AP3B1: variants seen among roughly 807,000 people sequenced by gnomAD.
AP3B1 encodes AP-3 complex subunit beta-1.
AP3B1 carries 61 observed loss-of-function variants against 132.5 expected under a neutral mutation model. The ratio of observed to expected loss-of-function variants is 0.46; its 90% confidence interval spans 0.37 to 0.57. The LOEUF (loss-of-function observed/expected upper bound fraction) is 0.57, where lower values mean the gene tolerates loss of function less well. Ranked by LOEUF, AP3B1 falls within the 20% of genes least tolerant of loss-of-function variation. AP3B1 has a pLI of 0.00. For synonymous variants in AP3B1, 388 were observed against 438.3 expected (o/e 0.89, Z 1.43); for missense variants, 1,120 against 1,289.4 (o/e 0.87, Z 2.01).
intron 22 of AP3B1, among the ~76,000 whole-genome samples, chr5:78,067,619 G>A (rs923560231): frequency 1.3e-5 from 2 of 152,128 alleles, no homozygotes; most frequent in African/African-American, 2.4e-5. Context: ...AAATTCACTC[G>A]AAACCACACA....
At chr5:78,265,790 A>G (rs1246422971) in intron 2 of AP3B1, among the ~76,000 whole-genome samples, 3 of 152,228 alleles carry the variant, frequency 2.0e-5, no homozygotes, top group Admixed American at 6.5e-5. Context: ...CAGTCTCTTA[A>G]AAACGTGTAA....
At chr5:78,215,311 T>G (rs1171009092) in intron 7 of AP3B1, among the ~76,000 whole-genome samples, 1 of 152,088 alleles carries the variant, frequency 6.6e-6, no homozygotes, top group African/African-American at 2.4e-5. Context: ...TTACAACATT[T>G]AAGGATTTAT....
chr5:78,074,050 A>G (rs1749661146), intron 22 of AP3B1, among the ~76,000 whole-genome samples: 1 of 152,226 alleles, frequency 6.6e-6, no homozygotes, highest in Non-Finnish European at 1.5e-5. Context: ...TTACTAAAAT[A>G]CTAACAACTA....
At chr5:78,071,573 T>C (rs1749546048) in intron 22 of AP3B1, among the ~76,000 whole-genome samples, 1 of 152,046 alleles carries the variant, frequency 6.6e-6, no homozygotes, top group Admixed American at 6.6e-5. Context: ...ATAAATAAAA[T>C]AAAAATAAAT....
intron 24 of AP3B1, among the ~76,000 whole-genome samples, chr5:78,027,750 A>T (rs947875161): frequency 2.0e-5 from 3 of 152,014 alleles, no homozygotes; most frequent in Non-Finnish European, 4.4e-5. Context: ...TTTTCTCTCT[A>T]CATAAGTATT....
intron 22 of AP3B1, among the ~76,000 whole-genome samples, chr5:78,075,870 A>G (rs1202020029): frequency 6.6e-6 from 1 of 152,250 alleles, no homozygotes; most frequent in East Asian, 1.9e-4. Context: ...TGGCATGGTC[A>G]TCAAGTGACA....
intron 8 of AP3B1, among the ~76,000 whole-genome samples, chr5:78,177,879 A>G (rs1744214775): frequency 6.6e-6 from 1 of 152,244 alleles, no homozygotes; most frequent in African/African-American, 2.4e-5. Flanking sequence ...AGCGTACAGA[A>G]GTAACCAATA....
chr5:78,221,613 G>C (rs1746180245), intron 6 of AP3B1, among the ~76,000 whole-genome samples: 1 of 151,528 alleles, frequency 6.6e-6, no homozygotes, highest in South Asian at 2.1e-4. Flanking sequence ...TTAAAGAAAG[G>C]TAGAAAAAGA....
intron 2 of AP3B1, among the ~76,000 whole-genome samples, chr5:78,249,563 T>C (rs1167792543): frequency 1.3e-5 from 2 of 151,034 alleles, no homozygotes; most frequent in South Asian, 2.1e-4. Context: ...TTCTTCAGAA[T>C]GATTTTTTTC....
At chr5:78,003,293 G>C (rs1350114229) in intron 26 of AP3B1, among the ~76,000 whole-genome samples, 2 of 152,100 alleles carry the variant, frequency 1.3e-5, no homozygotes, top group African/African-American at 4.8e-5. Context: ...GAAAAAGGAA[G>C]TCTATTTTAC....
At chr5:78,097,676 G>A (rs1427501126) in intron 21 of AP3B1, among the ~76,000 whole-genome samples, 4 of 150,576 alleles carry the variant, frequency 2.7e-5, no homozygotes, top group East Asian at 2.0e-4. Flanking sequence ...CCCCCCGCCC[G>A]GCCAGCCGCC....
intron 5 of AP3B1, among the ~76,000 whole-genome samples, chr5:78,226,117 T>C (rs1355023364): frequency 6.6e-6 from 1 of 152,012 alleles, no homozygotes; most frequent in African/African-American, 2.4e-5. Context: ...CTTAAAACAT[T>C]TGAGATAGAA....
chr5:78,236,536 C>T (rs559658772), intron 3 of AP3B1, among the ~76,000 whole-genome samples: 2 of 152,338 alleles, frequency 1.3e-5, no homozygotes, highest in Admixed American at 1.3e-4. Flanking sequence ...CTGACTGCTA[C>T]ACACTGGCTG....
chr5:78,199,156 T>C (rs931821449), intron 7 of AP3B1, among the ~76,000 whole-genome samples: 4 of 152,356 alleles, frequency 2.6e-5, no homozygotes, highest in African/African-American at 7.2e-5. Context: ...TGAGCCACTA[T>C]GAAACTTCAG....
chr5:78,173,631 C>T (rs1207102084), intron 11 of AP3B1, among the ~76,000 whole-genome samples: 1 of 151,386 alleles, frequency 6.6e-6, no homozygotes, highest in African/African-American at 2.5e-5. Context: ...TATTTTGAGC[C>T]TATGTGTGTC....
In AP3B1 at chr5:78,039,094, C is replaced by A. The variant is rs759300647; in HGVS notation, c.2758G>T (p.Gly920Trp). 5.6e-6 allele frequency: 9 copies of A among 1,610,810 alleles called. 1 individual carries two copies. Among genetic ancestry groups the A allele is most frequent in the Admixed American group, 3.3e-5 (2 of 59,718 alleles). Residue 920 changes from glycine to tryptophan, a missense_variant, in exon 23 of 27, where the codon GGG (glycine) becomes TGG (tryptophan). Physicochemically the swap from Gly to Trp is radical, Grantham distance 184. Around this residue, in one of 3 missense-constraint regions of AP3B1, gnomAD observed 906 missense variants for 997.1 expected, o/e 0.91. Transcript: ENST00000255194. ...ATGCCTATAGGAAGTTTTTTTTCCC[C>A]TATGTGGATATTTTCTATCTTTCGA... ...TDRKIENIHI[G>W]EKKLPIGMKM...
chr5:78,216,021 T>C (rs1028111086), intron 7 of AP3B1, 34 bp downstream of exon 7: 23 of 1,609,584 alleles, frequency 1.4e-5, no homozygotes, highest in Non-Finnish European at 1.9e-5. Flanking sequence ...ATTCTCTTAG[T>C]ATACTTGAAA....
At chr5:78,047,311 CCCA>C (rs1748381186) in intron 22 of AP3B1, among the ~76,000 whole-genome samples, 1 of 152,192 alleles carries the variant, frequency 6.6e-6, no homozygotes, top group Admixed American at 6.5e-5. Flanking sequence ...AATTTACACT[CCCA>C]CCAACAGTGT....
At chr5:78,077,595 C>T (rs149827514) in intron 22 of AP3B1, among the ~76,000 whole-genome samples, 1 of 152,196 alleles carries the variant, frequency 6.6e-6, no homozygotes, top group South Asian at 2.1e-4. Flanking sequence ...ACATGTTATA[C>T]TTAAACCCTA....
Sources: allele counts gnomAD v4.1 joint callset (sites outside exome capture counted in the v4.1 genomes callset), GRCh38; gene constraint gnomAD v4.1.1; regional missense constraint gnomAD v4.1.1; transcripts MANE v1.5; gene names NCBI Gene and HGNC (gene_info 2026-07-23, HGNC 2026-07-21).